Variants in STEAP2 observed in about 807,000 individuals in gnomAD.
The protein encoded by STEAP2 is metalloreductase STEAP2.
STEAP2 carries 30 observed loss-of-function variants against 46.4 expected under a neutral mutation model. The observed-to-expected ratio is 0.65, with a 90% CI of 0.48 to 0.88. The LOEUF (loss-of-function observed/expected upper bound fraction) is 0.88, where lower values mean the gene tolerates loss of function less well. STEAP2 is among the 40% of genes least tolerant of loss of function. STEAP2 has a pLI of 0.00. For synonymous variants in STEAP2, 180 were observed against 200.5 expected (o/e 0.90, Z 0.86); for missense variants, 513 against 579.3 (o/e 0.89, Z 1.18).
intron 1 of STEAP2, chr7:90,215,775 T>TTTTTTGTTTTTGTTTG (rs1794988207): frequency 6.6e-6 from 1 of 152,144 alleles, no homozygotes; most frequent in Non-Finnish European, 1.5e-5. Flanking sequence ...GACATAGTTG[T>TTTTTTGTTTTTGTTTG]TTTTTGTTTT....
intron 2 of STEAP2, among the ~76,000 whole-genome samples, chr7:90,219,582 G>A (rs985220873): frequency 2.0e-5 from 3 of 152,108 alleles, no homozygotes; most frequent in African/African-American, 7.2e-5. Flanking sequence ...TTCAGGTGAT[G>A]TATCACAGTT....
chr7:90,220,662 C>T (rs1795218868), intron 2 of STEAP2, among the ~76,000 whole-genome samples: 1 of 151,996 alleles, frequency 6.6e-6, no homozygotes, highest in Non-Finnish European at 1.5e-5. Flanking sequence ...TTTCCTTTTA[C>T]CAATTTGGGG....
At chr7:90,239,885 G>GAAT (rs1796041164), downstream of STEAP2, among the ~76,000 whole-genome samples, 1 of 152,076 alleles carries the variant, frequency 6.6e-6, no homozygotes, top group Non-Finnish European at 1.5e-5. Context: ...CTTCCCAAAT[G>GAAT]TACATTAATG....
Position 90,232,836 on chromosome 7 carries a change from G to A in STEAP2, c.*212G>A, listed in dbSNP as rs1319032128. ...GAATTTTTCTAGTCAACATATTATT[G>A]TAATTTAGGTATGTTTTGTTTTGTT... is the stretch of plus-strand genomic sequence containing the variant. On this transcript the variant is annotated 3_prime_UTR_variant, in exon 6 of 6. Coordinates refer to ENST00000394621, the MANE Select transcript of STEAP2 (RefSeq NM_001244944.2). 1.6e-6 allele frequency: 2 copies of A among 1,228,062 alleles called. No homozygotes were observed. Among genetic ancestry groups the A allele is most frequent in the East Asian group, 3.3e-5 (1 of 29,872 alleles). The allele number at this position is 1,228,062 out of a possible 1,614,324, so 76.1% of individuals were successfully genotyped here. A position where few individuals can be genotyped will look rare whatever the true frequency, so the allele number is the denominator to read the frequency against.
intron 5 of STEAP2, among the ~76,000 whole-genome samples, chr7:90,231,666 G>A (rs770478470): frequency 6.6e-5 from 10 of 151,978 alleles, no homozygotes; most frequent in African/African-American, 1.2e-4. Flanking sequence ...TGGGACCACC[G>A]TTGTATATGC....
downstream of STEAP2, among the ~76,000 whole-genome samples, chr7:90,238,487 C>G (rs1157415851): frequency 6.6e-6 from 1 of 152,180 alleles, no homozygotes; most frequent in African/African-American, 2.4e-5. Flanking sequence ...TAAATTCTCC[C>G]TTCCTTTCCC....
intron 2 of STEAP2, among the ~76,000 whole-genome samples, chr7:90,220,598 G>A: frequency 6.6e-6 from 1 of 151,786 alleles, no homozygotes. Flanking sequence ...TCCATCCTTT[G>A]TATTGTTTTT....
chr7:90,240,399 A>G (rs1796047592), downstream of STEAP2, among the ~76,000 whole-genome samples: 1 of 152,208 alleles, frequency 6.6e-6, no homozygotes, highest in Non-Finnish European at 1.5e-5. This position sits in a 1 kb window ranked among gnomAD's most constrained non-coding sequence, Gnocchi z 4.1. Context: ...TGCTATAAAC[A>G]TTCTTTATTT....
At chr7:90,214,530 TC>T (rs1432966894) in intron 1 of STEAP2, among the ~76,000 whole-genome samples, 1 of 152,134 alleles carries the variant, frequency 6.6e-6, no homozygotes, top group East Asian at 1.9e-4. Context: ...TTCTGGTTTT[TC>T]TCCAGCAACC....
rs1795990258 is a variant in STEAP2, at chr7:90,237,168, C to G, written c.*4544C>G. The G allele has an allele frequency of 2.1e-6, 1 of 482,020 alleles. No individual in the cohort carries two copies. Among genetic ancestry groups the G allele is most frequent in the African/African-American group, 2.0e-5 (1 of 50,030 alleles). The allele number at this position is 482,020 out of a possible 1,614,324, so 29.9% of individuals were successfully genotyped here. On this transcript the variant is annotated 3_prime_UTR_variant, in exon 6 of 6. Transcript: ENST00000394621. ...TCAAAGCCACACCCAAAGAGTAAGG[C>G]AGATTAGAGACCAGAAAGACCTTGA...
rs938118164 is a variant in STEAP2, at chr7:90,235,198, A to C, written c.*2574A>C. 4.5e-5 allele frequency: 44 copies of C among 982,342 alleles called. No homozygotes were observed. The African/African-American group carries it at 7.7e-4, about 17-fold the overall frequency. The allele number at this position is 982,342 out of a possible 1,614,324, so 60.9% of individuals were successfully genotyped here. ...GTTACAGATAAATGGGGCCTTTAAA[A>C]ATATGAAAAACAAACTTGTGAAAAT... On this transcript the variant is annotated 3_prime_UTR_variant, in exon 6 of 6. Coordinates refer to ENST00000394621, the MANE Select transcript of STEAP2 (RefSeq NM_001244944.2).
In STEAP2 at chr7:90,236,192, C is replaced by A. The variant is rs194530; in HGVS notation, c.*3568C>A. The A allele has an allele frequency of 0.83, 569,433 of 684,532 alleles. 237,810 individuals carry two copies. Among genetic ancestry groups the A allele is most frequent in the East Asian group, 1 (7,308 of 7,322 alleles). The allele number at this position is 684,532 out of a possible 1,614,324, so 42.4% of individuals were successfully genotyped here. A position where few individuals can be genotyped will look rare whatever the true frequency, so the allele number is the denominator to read the frequency against. On this transcript the variant is annotated 3_prime_UTR_variant, in exon 6 of 6. Transcript: ENST00000394621. ...TAATAAATTCTGTACAGTTTCCCCC[C>A]AAAAAAGAGATTTATTTATGAAATA...
chr7:90,221,933 A>T (rs115208679), intron 2 of STEAP2, among the ~76,000 whole-genome samples: 1,979 of 152,270 alleles, frequency 0.013, 43 homozygotes, highest in African/African-American at 0.044. Context: ...AAAAGTCTTG[A>T]TCATCATGAG....
Position 90,233,836 on chromosome 7 carries a change from CACTG to C in STEAP2, c.*1215_*1218del. ...AGATGCTTCCTCTTTTGTATAAAGT[CACTG>C]ACATTCTTTAGAGTGGGTTGGGTGC... On this transcript the variant is annotated 3_prime_UTR_variant, in exon 6 of 6. Transcript: ENST00000394621. 1 of 985,288 alleles carries C rather than the reference CACTG, an allele frequency of 1.0e-6. No homozygotes were observed. The highest frequency in any genetic ancestry group is 1.7e-5 in the African/African-American group (1 of 57,290). The allele number at this position is 985,288 out of a possible 1,614,324, so 61.0% of individuals were successfully genotyped here.
Position 90,233,999 on chromosome 7 carries a change from T to G in STEAP2, c.*1375T>G. On this transcript the variant is annotated 3_prime_UTR_variant, in exon 6 of 6. Coordinates refer to ENST00000394621, the MANE Select transcript of STEAP2 (RefSeq NM_001244944.2). ...GCAGTCCATATGCCTCCCTATGCAG[T>G]GAAGGGCCCTAGCAGTGTTAACAAA... is the stretch of plus-strand genomic sequence containing the variant. The G allele has an allele frequency of 1.0e-6, 1 of 985,414 alleles. No homozygotes were observed. The highest frequency in any genetic ancestry group is 1.2e-6 in the Non-Finnish European group (1 of 829,926). 61.0% of individuals were successfully genotyped at this position (985,414 alleles called of 1,614,324 possible).
At position 90,229,696 on chromosome 7, in the gene STEAP2, C is replaced by G. The variant is rs187718684; in HGVS notation, c.1021-176C>G. Among the ~76,000 whole-genome samples, 105 of 152,276 alleles carry G rather than the reference C, an allele frequency of 6.9e-4. 1 individual carries two copies. The highest frequency in any genetic ancestry group is 3.8e-4 in the Non-Finnish European group (26 of 68,000). ...TTTTGTTTAATTCTCTTTTCCCTTA[C>G]ACCTGGAGCAGTATCATCCAGTAAC... On this transcript the variant is annotated intron_variant, in intron 4 of 5. Coordinates refer to ENST00000394621, the MANE Select transcript of STEAP2 (RefSeq NM_001244944.2).
chr7:90,237,905 C>T (rs1287935090), downstream of STEAP2, among the ~76,000 whole-genome samples: 2 of 151,068 alleles, frequency 1.3e-5, no homozygotes, highest in South Asian at 2.1e-4. Flanking sequence ...GTAAACTCCC[C>T]GTAGCAGAAA....
At chr7:90,224,265 C>T (rs1396746655) in intron 2 of STEAP2, among the ~76,000 whole-genome samples, 1 of 152,144 alleles carries the variant, frequency 6.6e-6, no homozygotes, top group Admixed American at 6.6e-5. Flanking sequence ...AAGACATGCC[C>T]ATCAGTGTGC....
Position 90,225,582 on chromosome 7 carries a change from T to G in STEAP2, c.492+8T>G. 1 of 1,558,712 alleles carries G rather than the reference T, an allele frequency of 6.4e-7. No individual in the cohort carries two copies. The highest frequency in any genetic ancestry group is 1.2e-5 in the South Asian group (1 of 80,714). ...AAGGATGCCAGCCGGCAGGTATGTA[T>G]TTTACATTTTTATTCTTATGTATCT... is the stretch of plus-strand genomic sequence containing the variant. On this transcript the variant is annotated splice_region_variant and intron_variant, in intron 3 of 5. Coordinates refer to ENST00000394621, the MANE Select transcript of STEAP2 (RefSeq NM_001244944.2).
Sources: gnomAD v4.1 joint callset for allele counts (sites outside exome capture counted in the v4.1 genomes callset) on GRCh38, gnomAD v4.1.1 for gene constraint, Gnocchi (gnomAD v3.1) non-coding constraint, MANE v1.5 for transcripts, NCBI Gene and HGNC (gene_info 2026-07-23, HGNC 2026-07-21) for gene names.